Variants in CEP162 observed in about 807,000 individuals in gnomAD.
CEP162 encodes centrosomal protein 162, also known as centrosomal protein of 162 kDa.
CEP162 carries 141 observed loss-of-function variants against 169.2 expected under a neutral mutation model. That is an observed-to-expected ratio of 0.83 (90% CI 0.73 to 0.96). The LOEUF (loss-of-function observed/expected upper bound fraction) is 0.96, where lower values mean the gene tolerates loss of function less well. CEP162 is among the 40% of genes least tolerant of loss of function. CEP162 has a pLI of 0.00. For missense variants in CEP162, 1,600 were observed against 1,587.2 expected, an observed-to-expected ratio of 1.01 and a Z score of -0.14; for synonymous variants, 540 against 526.4, an observed-to-expected ratio of 1.03 and a Z score of -0.35.
chr6:84,152,486 ATT>A (rs1436297155), intron 23 of CEP162, 57 bp downstream of exon 23: 1 of 954,422 alleles, frequency 1.0e-6, no homozygotes, highest in Non-Finnish European at 1.5e-6. Flanking sequence ...ATATCGTATA[ATT>A]TTTCTATTTT....
Position 84,223,925 on chromosome 6 carries a change from T to C in CEP162, c.57+2412A>G, listed in dbSNP as rs1404224690. Among the ~76,000 whole-genome samples, 4 of 150,576 alleles carry C rather than the reference T, an allele frequency of 2.7e-5. No homozygotes were observed. In the East Asian group the frequency reaches 7.7e-4, roughly 29 times the overall value. On this transcript the variant is annotated intron_variant, in intron 2 of 26. Coordinates refer to ENST00000403245, the MANE Select transcript of CEP162 (RefSeq NM_014895.4). ...AGTCTCAAGAAAAAAAAAAAAGAAATTGGAACTCTGATAAACTAATACACT... is the reference window on the plus strand; with the variant it reads ...AGTCTCAAGAAAAAAAAAAAAGAAACTGGAACTCTGATAAACTAATACACT...
chr6:84,163,839 C>G (rs2129211137), intron 18 of CEP162, among the ~76,000 whole-genome samples: 1 of 151,936 alleles, frequency 6.6e-6, no homozygotes, highest in South Asian at 2.1e-4. Flanking sequence ...GTGGTGCCCG[C>G]CACCATGACA....
chr6:84,129,647 G>A (rs368687274), intron 25 of CEP162, among the ~76,000 whole-genome samples: 8 of 151,934 alleles, frequency 5.3e-5, no homozygotes, highest in South Asian at 2.1e-4. Flanking sequence ...TGTTCACTCC[G>A]GTTTTTGCTG....
Position 84,155,301 on chromosome 6 carries a change from C to T in CEP162, c.2991G>A (p.Met997Ile), listed in dbSNP as rs1197227821. 1.2e-6 allele frequency: 2 copies of T among 1,612,546 alleles called. No homozygotes were observed. The highest frequency in any genetic ancestry group is 2.2e-5 in the East Asian group (1 of 44,838). The part of the protein sequence containing the change: ...LRTMEQQFQK[M>I]KIQYEQRLEQ... Reference sequence around the variant, plus strand: ...TCTGAGGCTACTTACCACTTACCTTCATTTTCTGAAACTGTTGTTCCATGG... The same window carrying T: ...TCTGAGGCTACTTACCACTTACCTTTATTTTCTGAAACTGTTGTTCCATGG... Residue 997 changes from methionine to isoleucine, a missense_variant, in exon 22 of 27, where the codon ATG (methionine) becomes ATA (isoleucine). By Grantham distance (10) the Met-to-Ile change is conservative. Transcript: ENST00000403245.
At chr6:84,194,744 G>C in intron 10 of CEP162, 140 bp downstream of exon 10, 1 of 691,898 alleles carries the variant, frequency 1.4e-6, no homozygotes, top group Non-Finnish European at 2.4e-6. Flanking sequence ...CAGCCACCTC[G>C]CCTGGCTGAA....
At chr6:84,159,547 ATTTTTTTTTTTTTTTTTTT>A (rs1166267578) in intron 21 of CEP162, among the ~76,000 whole-genome samples, 9 of 31,936 alleles carry the variant, frequency 2.8e-4, no homozygotes, top group Non-Finnish European at 3.1e-4. Context: ...ATATATATAT[ATTTTTTTTTTTTTTTTTTT>A]TTTTTTTTTT....
Position 84,189,032 on chromosome 6 carries a change from A to C in CEP162, c.1110-2409T>G, listed in dbSNP as rs1254214640. On this transcript the variant is annotated intron_variant, in intron 11 of 26. Coordinates refer to ENST00000403245, the MANE Select transcript of CEP162 (RefSeq NM_014895.4). ...CTTGTTGGCTGCACGTCTTCTTTTG[A>C]AAAATGTCTGTTCATGTCCTTGCCC... 2.0e-5 allele frequency among the ~76,000 whole-genome samples: 3 copies of C among 151,988 alleles called. No individual in the cohort carries two copies. In the East Asian group the frequency reaches 5.8e-4, roughly 29 times the overall value.
At chr6:84,157,953 T>G (rs2099523893) in intron 21 of CEP162, among the ~76,000 whole-genome samples, 1 of 152,160 alleles carries the variant, frequency 6.6e-6, no homozygotes. Flanking sequence ...GCAAGGAGGA[T>G]TAGATAACAT....
intron 13 of CEP162, among the ~76,000 whole-genome samples, chr6:84,176,134 T>G (rs1438241073): frequency 6.6e-6 from 1 of 151,980 alleles, no homozygotes; most frequent in Non-Finnish European, 1.5e-5. Flanking sequence ...GCTTTAGAGA[T>G]AAATTAAGAA....
intron 9 of CEP162, 57 bp downstream of exon 9, chr6:84,200,732 T>C (rs1051066140): frequency 1.3e-6 from 1 of 798,026 alleles, no homozygotes; most frequent in Non-Finnish European, 2.2e-6. Flanking sequence ...AATGTAGTCA[T>C]ATTAGTCATA....
At chr6:84,213,576 G>T (rs559492479) in intron 5 of CEP162, among the ~76,000 whole-genome samples, 1 of 152,248 alleles carries the variant, frequency 6.6e-6, no homozygotes, top group South Asian at 2.1e-4. Flanking sequence ...CCAAGAATCA[G>T]TTCTACCTTT....
intron 23 of CEP162, among the ~76,000 whole-genome samples, chr6:84,150,988 A>G (rs1015728627): frequency 2.6e-5 from 4 of 152,122 alleles, no homozygotes; most frequent in Non-Finnish European, 4.4e-5. Flanking sequence ...TTCTTGGTAC[A>G]TATTAGTAAG....
intron 11 of CEP162, among the ~76,000 whole-genome samples, chr6:84,188,491 T>C (rs2099538230): frequency 6.6e-6 from 1 of 152,226 alleles, no homozygotes; most frequent in African/African-American, 2.4e-5. Context: ...TATTTTGTTT[T>C]CTGTTCCTGC....
chr6:84,157,421 C>T (rs1337199667), intron 21 of CEP162, among the ~76,000 whole-genome samples: 1 of 152,156 alleles, frequency 6.6e-6, no homozygotes, highest in African/African-American at 2.4e-5. Flanking sequence ...CCTGTAATCC[C>T]AGCACTTTGG....
rs146055906 is a variant in CEP162, at chr6:84,192,418, T to C, written c.1109+1191A>G. Among the ~76,000 whole-genome samples, 524 of 152,320 alleles carry C rather than the reference T, an allele frequency of 3.4e-3. 3 individuals are homozygous for C. Among genetic ancestry groups the C allele is most frequent in the African/African-American group, 0.012 (482 of 41,564 alleles). ...ATCTCTGTAGTTACCGCTAACATAC[T>C]CCCAAACAGCAATGATGAGTGGTAC... On this transcript the variant is annotated intron_variant, in intron 11 of 26. Coordinates refer to ENST00000403245, the MANE Select transcript of CEP162 (RefSeq NM_014895.4).
At chr6:84,185,796 TTTA>T (rs2099536919) in intron 12 of CEP162, among the ~76,000 whole-genome samples, 1 of 152,164 alleles carries the variant, frequency 6.6e-6, no homozygotes, top group African/African-American at 2.4e-5. Context: ...TTTAAAAATT[TTTA>T]TTAATACCTT....
rs147786227 is a variant in CEP162 at position 84,162,131 on chromosome 6, T to C, written c.2513-222A>G. 7.9e-5 allele frequency among the ~76,000 whole-genome samples: 12 copies of C among 152,312 alleles called. 1 individual carries two copies. In the East Asian group the frequency reaches 2.3e-3, roughly 29 times the overall value. ...TATAATCCAAATTGTCAACCTTATA[T>C]AGCAAAGTTGGCTATGTAGAAATTT... On this transcript the variant is annotated intron_variant, in intron 19 of 26. Coordinates refer to ENST00000403245, the MANE Select transcript of CEP162 (RefSeq NM_014895.4).
In CEP162 at chr6:84,195,164, G is replaced by T. The variant is rs138921697; in HGVS notation, c.836-89C>A. ...CTAATATCATTCCTTAACCTGTTAG[G>T]AATATAAAAGTAGAGTTAAGTACTA... On this transcript the variant is annotated intron_variant, in intron 9 of 26. Transcript: ENST00000403245. 1.2e-4 allele frequency: 128 copies of T among 1,093,374 alleles called. No homozygotes were observed. In the African/African-American group the frequency reaches 1.8e-3, roughly 16 times the overall value. 67.7% of individuals were successfully genotyped at this position (1,093,374 alleles called of 1,614,324 possible). A position where few individuals can be genotyped will look rare whatever the true frequency, so the allele number is the denominator to read the frequency against.
Position 84,152,077 on chromosome 6 carries a change from T to C in CEP162, c.3629+468A>G, listed in dbSNP as rs115068448. Among the ~76,000 whole-genome samples, 456 of 152,216 alleles carry C rather than the reference T, an allele frequency of 3.0e-3. 2 individuals carry two copies. The highest frequency in any genetic ancestry group is 0.01 in the African/African-American group (416 of 41,540). ...ATAGTGAGAAGGAAATGGATGAGTATAAAGTTCCTTAAGGCATGAATGGAT... is the reference window on the plus strand; with the variant it reads ...ATAGTGAGAAGGAAATGGATGAGTACAAAGTTCCTTAAGGCATGAATGGAT... On this transcript the variant is annotated intron_variant, in intron 23 of 26. Coordinates refer to ENST00000403245, the MANE Select transcript of CEP162 (RefSeq NM_014895.4).
Sources: allele counts gnomAD v4.1 joint callset (sites outside exome capture counted in the v4.1 genomes callset), GRCh38; gene constraint gnomAD v4.1.1; transcripts MANE v1.5; gene names NCBI Gene and HGNC (gene_info 2026-07-23, HGNC 2026-07-21).